Variants in LAMA4 observed in about 807,000 individuals in gnomAD.
The protein encoded by LAMA4 is laminin subunit alpha 4.
LAMA4 carries 127 observed loss-of-function variants against 207.1 expected under a neutral mutation model. The ratio of observed to expected loss-of-function variants is 0.61; its 90% CI spans 0.53 to 0.71. LAMA4 has a LOEUF of 0.71. Ranked by LOEUF, LAMA4 falls within the 30% of genes least tolerant of loss-of-function variation. The pLI, the probability that LAMA4 is intolerant of heterozygous loss-of-function variation, is 0.00. For synonymous variants in LAMA4, 761 were observed against 816.0 expected, an observed-to-expected ratio of 0.93 and a Z score of 1.15; for missense variants, 2,093 against 2,246.5, an observed-to-expected ratio of 0.93 and a Z score of 1.38.
intron 9 of LAMA4, among the ~76,000 whole-genome samples, chr6:112,184,182 T>C (rs1782541723): frequency 1.3e-5 from 2 of 152,034 alleles, no homozygotes; most frequent in South Asian, 4.1e-4. Flanking sequence ...GGGTTTGGGG[T>C]CCAAGGTCAA....
intron 12 of LAMA4, among the ~76,000 whole-genome samples, chr6:112,169,363 G>C (rs1232174881): frequency 6.6e-6 from 1 of 152,050 alleles, no homozygotes; most frequent in Non-Finnish European, 1.5e-5. Flanking sequence ...GGAAATTGGA[G>C]GAAAAAAGGT....
At chr6:112,234,915 A>G (rs1422747003) in intron 2 of LAMA4, among the ~76,000 whole-genome samples, 1 of 152,162 alleles carries the variant, frequency 6.6e-6, no homozygotes, top group African/African-American at 2.4e-5. Context: ...TGGATATCCA[A>G]ATATCTTCGG....
chr6:112,185,128 AT>A, intron 9 of LAMA4, 108 bp downstream of exon 9: 1 of 795,392 alleles, frequency 1.3e-6, no homozygotes, highest in South Asian at 1.3e-5. Flanking sequence ...GGGTCACTGC[AT>A]TTTTTCTGGG....
chr6:112,167,412 CA>C (rs1781442758), intron 12 of LAMA4, among the ~76,000 whole-genome samples: 1 of 152,098 alleles, frequency 6.6e-6, no homozygotes, highest in African/African-American at 2.4e-5. Context: ...AAAACAACAA[CA>C]ACAAACCCAC....
intron 9 of LAMA4, among the ~76,000 whole-genome samples, chr6:112,183,370 C>T (rs1284757913): frequency 3.9e-5 from 6 of 152,058 alleles, no homozygotes; most frequent in African/African-American, 1.2e-4. Context: ...GTGGTCAGAA[C>T]ATTATATTCA....
intron 38 of LAMA4, among the ~76,000 whole-genome samples, chr6:112,110,251 C>T (rs1554321189): frequency 6.6e-6 from 1 of 152,128 alleles, no homozygotes; most frequent in Non-Finnish European, 1.5e-5. Context: ...ATTGTACAGA[C>T]ACAATTAAAT....
At chr6:112,232,611 T>G (rs1554364742) in intron 2 of LAMA4, among the ~76,000 whole-genome samples, 3 of 152,212 alleles carry the variant, frequency 2.0e-5, no homozygotes, top group Non-Finnish European at 2.9e-5. Context: ...ATTTTGTAGC[T>G]TTGAAATTTT....
At chr6:112,202,128 A>C (rs1554352709) in intron 4 of LAMA4, among the ~76,000 whole-genome samples, 2 of 152,172 alleles carry the variant, frequency 1.3e-5, no homozygotes, top group African/African-American at 4.8e-5. Flanking sequence ...ACAGAATTAT[A>C]ATTTCTTTCA....
chr6:112,170,711 C>T (rs1781661959), intron 12 of LAMA4, among the ~76,000 whole-genome samples: 1 of 152,158 alleles, frequency 6.6e-6, no homozygotes. Context: ...ATAAAGAAGA[C>T]AGATTCCCTT....
chr6:112,190,934 T>A (rs1179072451), intron 6 of LAMA4, among the ~76,000 whole-genome samples: 38 of 62,696 alleles, frequency 6.1e-4, no homozygotes, highest in Non-Finnish European at 8.6e-4. Flanking sequence ...TTTCTTTCTT[T>A]CTTTCTTTCT....
intron 25 of LAMA4, among the ~76,000 whole-genome samples, chr6:112,135,305 C>A (rs1305128281): frequency 6.6e-6 from 1 of 152,168 alleles, no homozygotes; most frequent in Non-Finnish European, 1.5e-5. Context: ...CCTGGTGACC[C>A]CTATTGTATT....
intron 5 of LAMA4, chr6:112,200,299 C>A (rs189348875): frequency 2.2e-4 from 86 of 390,140 alleles, no homozygotes; most frequent in African/African-American, 1.7e-3. Context: ...CATCACTGGT[C>A]ATTAGAGAAA....
chr6:112,112,415 G>A (rs1479039711), intron 38 of LAMA4, among the ~76,000 whole-genome samples: 1 of 152,242 alleles, frequency 6.6e-6, no homozygotes, highest in African/African-American at 2.4e-5. Context: ...GGAGGAGACA[G>A]ATGATCAGGG....
intron 2 of LAMA4, among the ~76,000 whole-genome samples, chr6:112,223,864 C>T (rs1344929717): frequency 6.6e-6 from 1 of 152,228 alleles, no homozygotes; most frequent in Non-Finnish European, 1.5e-5. Flanking sequence ...TTCTATTGTA[C>T]CCTCTTACTC....
chr6:112,161,864 C>T (rs1376142073), intron 13 of LAMA4, among the ~76,000 whole-genome samples: 3 of 151,932 alleles, frequency 2.0e-5, no homozygotes, highest in African/African-American at 7.3e-5. Context: ...GTTTGTTGGG[C>T]TGGAGTGCAG....
chr6:112,231,852 A>T (rs547251790), intron 2 of LAMA4, among the ~76,000 whole-genome samples: 5 of 152,286 alleles, frequency 3.3e-5, no homozygotes, highest in East Asian at 1.9e-4. Context: ...ATCCTTCAAC[A>T]CTAAGGAAGG....
In LAMA4 at chr6:112,144,842, G is replaced by A; in HGVS notation, c.2445C>T (p.Ile815=). The change falls in exon 19 of 39, where the codon ATC becomes ATT. Residue 815 remains isoleucine (I), a synonymous_variant. Transcript: ENST00000230538. The part of the protein sequence containing the change: ...KRPASNVSAS[I]QRIRELIAQT... ...GAGCAATGAGCTCTCGGATCCTCTG[G>A]ATGCTGGCAGAAACGTTGCTTGCAG... 6.2e-7 allele frequency: 1 copy of A among 1,613,938 alleles called. No individual in the cohort carries two copies. Among genetic ancestry groups the A allele is most frequent in the Non-Finnish European group, 8.5e-7 (1 of 1,180,016 alleles).
chr6:112,114,520 A>G, intron 37 of LAMA4, 143 bp downstream of exon 37: 2 of 719,156 alleles, frequency 2.8e-6, no homozygotes, highest in Non-Finnish European at 5.0e-6. Context: ...TATACACATA[A>G]TAGTATAATA....
intron 5 of LAMA4, chr6:112,196,301 T>C (rs554967841): frequency 6.6e-6 from 1 of 151,418 alleles, no homozygotes; most frequent in South Asian, 2.1e-4. Flanking sequence ...TTGTGTCCGT[T>C]AACCAGCATT....
Sources: allele counts gnomAD v4.1 joint callset (sites outside exome capture counted in the v4.1 genomes callset), GRCh38; gene constraint gnomAD v4.1.1; transcripts MANE v1.5; gene names NCBI Gene and HGNC (gene_info 2026-07-23, HGNC 2026-07-21).